Variants in NEK4 observed in about 807,000 individuals in gnomAD.
NEK4 encodes the protein NIMA related kinase 4, also known as serine/threonine-protein kinase Nek4.
NEK4 carries 86 observed loss-of-function variants against 98.4 expected under a neutral mutation model. The observed-to-expected ratio is 0.87, with a 90% CI of 0.73 to 1.05. The LOEUF (loss-of-function observed/expected upper bound fraction) is 1.05. NEK4 is among the 50% of genes least tolerant of loss of function. The pLI is 0.00. For synonymous variants in NEK4, 328 were observed against 342.2 expected (o/e 0.96, Z 0.46); for missense variants, 898 against 950.3 (o/e 0.94, Z 0.72).
At chr3:52,763,730 G>T in intron 4 of NEK4, 106 bp from the exon 5 acceptor site, 1 of 773,156 alleles carries the variant, frequency 1.3e-6, no homozygotes, top group East Asian at 2.6e-5. Flanking sequence ...GTCCACATAA[G>T]CAGAAAACAA....
intron 11 of NEK4, 97 bp downstream of exon 11, chr3:52,744,142 C>T: frequency 2.4e-6 from 2 of 840,028 alleles, no homozygotes; most frequent in Non-Finnish European, 4.1e-6. Flanking sequence ...TTTACTGCTG[C>T]TGGAAAGTTT....
rs2097378554 is a variant in NEK4 at position 52,737,671 on chromosome 3, C to T, written c.2348G>A (p.Arg783Lys). The T allele has an allele frequency of 6.2e-7, 1 of 1,613,964 alleles. No homozygotes were observed. Among genetic ancestry groups the T allele is most frequent in the Non-Finnish European group, 8.5e-7 (1 of 1,179,844 alleles). The change falls in exon 15 of 16, where the codon AGA (arginine) becomes AAA (lysine). Residue 783 changes from arginine to lysine, a missense_variant. Arg to Lys is a conservative substitution (Grantham distance 26, BLOSUM62 2). Coordinates refer to ENST00000233027, the MANE Select transcript of NEK4 (RefSeq NM_003157.6). ...EKIRRLVEVL[R>K]TDVIRGLGVQ... ...TCCCAGGCCACGAATTACATCAGTTCTCAAGACTTCAACTAGTCTCCTGAT... is the reference window on the plus strand; with the variant it reads ...TCCCAGGCCACGAATTACATCAGTTTTCAAGACTTCAACTAGTCTCCTGAT...
In NEK4 at chr3:52,746,719, A is replaced by G; in HGVS notation, c.1677+15T>C. On this transcript the variant is annotated intron_variant, in intron 9 of 15. Coordinates refer to ENST00000233027, the MANE Select transcript of NEK4 (RefSeq NM_003157.6). ...TCCCAAAGTCCACCTCCCAAACCAAAGCAAAATGACTTACAGCAAAGAGAT... is the reference window on the plus strand; with the variant it reads ...TCCCAAAGTCCACCTCCCAAACCAAGGCAAAATGACTTACAGCAAAGAGAT... The G allele has an allele frequency of 6.3e-7, 1 of 1,587,808 alleles. No homozygotes were observed. The highest frequency in any genetic ancestry group is 8.6e-7 in the Non-Finnish European group (1 of 1,166,176).
intron 15 of NEK4, chr3:52,733,973 T>C (rs2097372383): frequency 4.5e-6 from 1 of 224,100 alleles, no homozygotes; most frequent in African/African-American, 2.3e-5. Context: ...AGAATTCAGT[T>C]TGCATTCAAG....
At chr3:52,732,697 A>G in intron 15 of NEK4, 1 of 309,400 alleles carries the variant, frequency 3.2e-6, no homozygotes, top group Non-Finnish European at 6.6e-6. Flanking sequence ...GGAGAACTAC[A>G]GGAACCTGGT....
At position 52,752,355 on chromosome 3, in the gene NEK4, G is replaced by A. The variant is rs1205318610; in HGVS notation, c.964-19C>T. On this transcript the variant is annotated intron_variant, in intron 6 of 15. Coordinates refer to ENST00000233027, the MANE Select transcript of NEK4 (RefSeq NM_003157.6). ...CTTCACCCTGAATGAAAAGATGTTT[G>A]GAAATTATTATAGCACTCCTCATAT... 2 of 1,600,668 alleles carry A rather than the reference G, an allele frequency of 1.2e-6. No individual in the cohort carries two copies. The highest frequency in any genetic ancestry group is 2.7e-5 in the African/African-American group (2 of 74,154).
intron 15 of NEK4, among the ~76,000 whole-genome samples, chr3:52,713,794 C>CAAAAAAAAAAAAAAAAAAAAAAA (rs10554436): frequency 1.2e-5 from 1 of 83,342 alleles, no homozygotes; most frequent in Non-Finnish European, 2.3e-5. Flanking sequence ...AACTCCCTCT[C>CAAAAAAAAAAAAAAAAAAAAAAA]AAAAAAAAAA....
chr3:52,736,494 G>C (rs1215052776), intron 15 of NEK4, among the ~76,000 whole-genome samples: 1 of 151,878 alleles, frequency 6.6e-6, no homozygotes, highest in Non-Finnish European at 1.5e-5. Context: ...GCTGAGGCAG[G>C]AGAATGGCGT....
In NEK4 at chr3:52,770,763, C is replaced by T; in HGVS notation, c.-17G>A. On this transcript the variant is annotated 5_prime_UTR_variant, in exon 1 of 16. Transcript: ENST00000233027. Reference sequence around the variant, plus strand: ...CAGGGGCATGTTCCCAGCGCTGGCCCAGAGTCGGGATGCGGCGGCAGCGGC... The same window carrying T: ...CAGGGGCATGTTCCCAGCGCTGGCCTAGAGTCGGGATGCGGCGGCAGCGGC... 6.4e-7 allele frequency: 1 copy of T among 1,552,872 alleles called. No individual in the cohort carries two copies. Among genetic ancestry groups the T allele is most frequent in the Admixed American group, 1.9e-5 (1 of 51,838 alleles).
intron 5 of NEK4, among the ~76,000 whole-genome samples, chr3:52,761,325 C>A (rs891748629): frequency 6.6e-6 from 1 of 152,172 alleles, no homozygotes; most frequent in Non-Finnish European, 1.5e-5. Context: ...GTCATCCAGG[C>A]TAGAGTGTAG....
chr3:52,764,168 T>C (rs1209214503), intron 4 of NEK4, among the ~76,000 whole-genome samples: 2 of 151,000 alleles, frequency 1.3e-5, no homozygotes, highest in African/African-American at 4.9e-5. Flanking sequence ...GCACCTGTAA[T>C]CCCAGTTACT....
chr3:52,760,825 G>C lies in NEK4; in HGVS notation c.933C>G (p.Leu311=). The change falls in exon 6 of 16, where the codon CTC becomes CTG. Residue 311 remains leucine, a synonymous_variant. Transcript: ENST00000233027. ...SNHEVIHPQP[L]SSEGSQTYIM... ...TATATGTCTGGGAGCCCTCAGAAGA[G>C]AGTGGTTGGGGGTGGATTACTTCAT... The C allele has an allele frequency of 6.2e-7, 1 of 1,610,526 alleles. No individual in the cohort carries two copies. The highest frequency in any genetic ancestry group is 8.5e-7 in the Non-Finnish European group (1 of 1,177,444).
At chr3:52,760,468 C>T (rs1342507056) in intron 6 of NEK4, among the ~76,000 whole-genome samples, 1 of 152,192 alleles carries the variant, frequency 6.6e-6, no homozygotes, top group Admixed American at 6.5e-5. Flanking sequence ...CTGCCAGCCT[C>T]GGCCTCCCAG....
chr3:52,741,459 C>T lies in NEK4; in HGVS notation c.2045G>A (p.Ser682Asn). The change falls in exon 13 of 16, where the codon AGT (serine) becomes AAT (asparagine). Residue 682 changes from serine to asparagine, a missense_variant. Transcript: ENST00000233027. ...QIHCLSEDEL[S>N]SSTSSTDKSD... ...CTTATCAGTTGAACTTGTAGAAGAA[C>T]TTAACTCATCCTCAGACAGACAATG... 1 of 1,611,022 alleles carries T rather than the reference C, an allele frequency of 6.2e-7. No homozygotes were observed. Among genetic ancestry groups the T allele is most frequent in the Non-Finnish European group, 8.5e-7 (1 of 1,177,290 alleles).
intron 6 of NEK4, among the ~76,000 whole-genome samples, chr3:52,753,131 A>G (rs919047481): frequency 2.0e-5 from 3 of 151,606 alleles, no homozygotes; most frequent in Non-Finnish European, 4.4e-5. Context: ...GCGAAACCCC[A>G]TTTCTATAAA....
At chr3:52,753,654 A>G (rs2097409466) in intron 6 of NEK4, 2 of 586,288 alleles carry the variant, frequency 3.4e-6, no homozygotes, top group Admixed American at 3.8e-5. Context: ...TCTATTCCCA[A>G]AAATGCTTTG....
intron 15 of NEK4, among the ~76,000 whole-genome samples, chr3:52,716,789 G>C (rs552927241): frequency 1.3e-5 from 2 of 152,300 alleles, no homozygotes; most frequent in Admixed American, 1.3e-4. Flanking sequence ...ACATTTATTT[G>C]AGAAAATCTA....
At chr3:52,766,458 T>C (rs1698563639) in intron 2 of NEK4, 83 bp from the exon 3 acceptor site, 2 of 975,196 alleles carry the variant, frequency 2.1e-6, no homozygotes, top group African/African-American at 1.6e-5. Context: ...CCATCAGCAA[T>C]GGCATGAGTT....
chr3:52,763,889 G>A (rs1698449265), intron 4 of NEK4, among the ~76,000 whole-genome samples: 1 of 152,222 alleles, frequency 6.6e-6, no homozygotes, highest in South Asian at 2.1e-4. Context: ...AAAGACTTAT[G>A]TATCGGGATG....
Sources: allele counts gnomAD v4.1 joint callset (sites outside exome capture counted in the v4.1 genomes callset), GRCh38; gene constraint gnomAD v4.1.1; transcripts MANE v1.5; gene names NCBI Gene and HGNC (gene_info 2026-07-23, HGNC 2026-07-21).